The following THRB variants were observed in gnomAD, a reference collection of about 807,000 sequenced individuals.
THRB encodes nuclear receptor subfamily 1 group A member 2.
A neutral mutation model predicts 47.8 loss-of-function variants in THRB; 12 were observed. That is an observed-to-expected ratio of 0.25 (90% CI 0.16 to 0.41). The LOEUF is 0.41. THRB is among the 10% of genes least tolerant of loss of function. The pLI is 1.00. For missense variants in THRB, 348 were observed against 589.2 expected (o/e 0.59, Z 4.24); for synonymous variants, 218 against 212.2 (o/e 1.03, Z -0.24).
At chr3:24,254,292 G>A (rs1006277368) in intron 3 of THRB, among the ~76,000 whole-genome samples, 2 of 149,588 alleles carry the variant, frequency 1.3e-5, no homozygotes, top group Non-Finnish European at 3.0e-5. Context: ...CTACTCAGGA[G>A]GGTGAGGCAG....
In THRB at chr3:24,238,283, G is replaced by T. The variant is rs1397310663; in HGVS notation, c.-42-9282C>A. ...TGTGTATGTGTGTGTGTGTGTGGGGGGGGGGGGGGTGTGTGGGGTGTGTGT... is the reference window on the plus strand; with the variant it reads ...TGTGTATGTGTGTGTGTGTGTGGGGTGGGGGGGGGTGTGTGGGGTGTGTGT... On this transcript the variant is annotated intron_variant, in intron 3 of 10. Transcript: ENST00000646209. 2.2e-3 allele frequency among the ~76,000 whole-genome samples: 271 copies of T among 125,384 alleles called. 3 individuals carry two copies. Among genetic ancestry groups the T allele is most frequent in the South Asian group, 6.4e-3 (22 of 3,442 alleles). 82.3% of individuals were successfully genotyped at this position (125,384 alleles called of 152,430 possible).
At chr3:24,425,214 A>C (rs1242557025) in intron 1 of THRB, among the ~76,000 whole-genome samples, 1 of 151,918 alleles carries the variant, frequency 6.6e-6, no homozygotes, top group Non-Finnish European at 1.5e-5. Context: ...GTCCTTAAAA[A>C]AAACTGCACC....
intron 1 of THRB, among the ~76,000 whole-genome samples, chr3:24,474,239 T>G (rs1004845958): frequency 6.6e-6 from 1 of 152,198 alleles, no homozygotes; most frequent in Non-Finnish European, 1.5e-5. Context: ...AAAAATAACA[T>G]TAACATATCT....
At chr3:24,215,361 A>G (rs2046449284) in intron 4 of THRB, among the ~76,000 whole-genome samples, 1 of 152,214 alleles carries the variant, frequency 6.6e-6, no homozygotes, top group Non-Finnish European at 1.5e-5. Context: ...GCTCCAAGTC[A>G]CAAGGTTACT....
chr3:24,299,766 C>CTTTTTTTTTTTTTTTTTTTTTT lies in THRB; in HGVS notation c.-188-2396_-188-2395insAAAAAAAAAAAAAAAAAAAAAA, dbSNP rs1360367092. ...GCCTTGAGGCTTCTGGGGAAGTATG[C>CTTTTTTTTTTTTTTTTTTTTTT]TTTTTTATTTATTTATTTATTTATT... On this transcript the variant is annotated intron_variant, in intron 2 of 10. Coordinates refer to ENST00000646209, the MANE Select transcript of THRB (RefSeq NM_001354712.2). 1.4e-4 allele frequency among the ~76,000 whole-genome samples: 8 copies of CTTTTTTTTTTTTTTTTTTTTTT among 58,564 alleles called. 3 individuals are homozygous for CTTTTTTTTTTTTTTTTTTTTTT. The highest frequency in any genetic ancestry group is 4.9e-4 in the African/African-American group (6 of 12,366). 38.4% of individuals were successfully genotyped at this position (58,564 alleles called of 152,430 possible).
At chr3:24,331,233 A>C (rs1443767713) in intron 2 of THRB, among the ~76,000 whole-genome samples, 2 of 152,136 alleles carry the variant, frequency 1.3e-5, no homozygotes. Context: ...ATGATTACCA[A>C]ACTCATAAGT....
At chr3:24,472,245 T>C (rs1577834930) in intron 1 of THRB, among the ~76,000 whole-genome samples, 1 of 152,200 alleles carries the variant, frequency 6.6e-6, no homozygotes, top group South Asian at 2.1e-4. Flanking sequence ...TGTCTATACA[T>C]GCCAGGACAA....
At chr3:24,126,447 T>C (rs1001726733) in intron 10 of THRB, among the ~76,000 whole-genome samples, 5 of 152,210 alleles carry the variant, frequency 3.3e-5, no homozygotes, top group South Asian at 2.1e-4. Flanking sequence ...GAATTCTCGA[T>C]GTACTTGTGA....
chr3:24,299,329 A>G (rs932510934), intron 2 of THRB, among the ~76,000 whole-genome samples: 1 of 151,968 alleles, frequency 6.6e-6, no homozygotes, highest in African/African-American at 2.4e-5. Flanking sequence ...GAAACTAAGA[A>G]TCATGCATTA....
At chr3:24,203,730 AG>A (rs2044891672) in intron 4 of THRB, among the ~76,000 whole-genome samples, 1 of 152,192 alleles carries the variant, frequency 6.6e-6, no homozygotes, top group East Asian at 1.9e-4. Flanking sequence ...CGGGAAGCAC[AG>A]GGGGTCAGGG....
intron 5 of THRB, among the ~76,000 whole-genome samples, chr3:24,152,752 G>C (rs183968427): frequency 1.3e-5 from 2 of 151,970 alleles, no homozygotes; most frequent in Non-Finnish European, 2.9e-5. Context: ...CCTGGGGTCA[G>C]GAGTTCAAGA....
intron 2 of THRB, among the ~76,000 whole-genome samples, chr3:24,307,285 G>T (rs1330714657): frequency 2.6e-5 from 4 of 151,644 alleles, no homozygotes; most frequent in Non-Finnish European, 4.4e-5. Flanking sequence ...AGGAACACAT[G>T]CTCTTTGGAG....
intron 2 of THRB, among the ~76,000 whole-genome samples, chr3:24,305,799 G>T (rs912240038): frequency 6.6e-6 from 1 of 152,122 alleles, no homozygotes; most frequent in African/African-American, 2.4e-5. Context: ...GAAAGGTTCA[G>T]AAAATTTCAG....
intron 5 of THRB, among the ~76,000 whole-genome samples, chr3:24,177,965 G>A (rs925680371): frequency 4.1e-4 from 62 of 152,038 alleles, no homozygotes; most frequent in Non-Finnish European, 5.6e-4. Flanking sequence ...TCTTCAGACC[G>A]TGGACAATGT....
rs563841342 is a variant in THRB, at chr3:24,193,927, T to C, written c.23-3593A>G. Among the ~76,000 whole-genome samples, 199 of 152,356 alleles carry C rather than the reference T, an allele frequency of 1.3e-3. 5 individuals are homozygous for C. The South Asian group carries it at 0.04, about 31-fold the overall frequency. On this transcript the variant is annotated intron_variant, in intron 4 of 10. Coordinates refer to ENST00000646209, the MANE Select transcript of THRB (RefSeq NM_001354712.2). ...AAATGTGATATATATGTATACACCA[T>C]GGAATACTACTCAGACATAAAAAAG...
chr3:24,343,127 G>T (rs2062789280), intron 1 of THRB, among the ~76,000 whole-genome samples: 1 of 152,218 alleles, frequency 6.6e-6, no homozygotes, highest in East Asian at 1.9e-4. Flanking sequence ...ATCAATTAGA[G>T]AATGGCAAAC....
At position 24,133,224 on chromosome 3, in the gene THRB, AT is replaced by A. The variant is rs1281576960; in HGVS notation, c.885+91del. 5 of 1,440,966 alleles carry A rather than the reference AT, an allele frequency of 3.5e-6. No individual in the cohort carries two copies. In the African/African-American group the frequency reaches 7.1e-5, roughly 20 times the overall value. 89.3% of individuals were successfully genotyped at this position (1,440,966 alleles called of 1,614,324 possible). A position where few individuals can be genotyped will look rare whatever the true frequency, so the allele number is the denominator to read the frequency against. ...CTTTCATATGATTAAGTCCCTACTA[AT>A]TAACATTAAATTGTAAATAATACCC... On this transcript the variant is annotated intron_variant, in intron 9 of 10. Coordinates refer to ENST00000646209, the MANE Select transcript of THRB (RefSeq NM_001354712.2).
intron 1 of THRB, among the ~76,000 whole-genome samples, chr3:24,447,912 G>A (rs140575403): frequency 3.8e-4 from 58 of 152,090 alleles, no homozygotes; most frequent in African/African-American, 1.4e-3. Flanking sequence ...GATTGCTACA[G>A]GTTTCAAGGA....
rs1395010374 is a variant in THRB, at chr3:24,176,685, A to C, written c.283+13389T>G. 2.6e-5 allele frequency among the ~76,000 whole-genome samples: 4 copies of C among 152,226 alleles called. No homozygotes were observed. The South Asian group carries it at 6.2e-4, about 24-fold the overall frequency. On this transcript the variant is annotated intron_variant, in intron 5 of 10. Coordinates refer to ENST00000646209, the MANE Select transcript of THRB (RefSeq NM_001354712.2). The stretch of plus-strand genomic sequence containing the variant: ...TCAAAAACAGTATACTAAGAGAAAG[A>C]TGCCAGTCATACAAGACCACGTATT...
Sources: gnomAD v4.1 joint callset for allele counts (sites outside exome capture counted in the v4.1 genomes callset) on GRCh38, gnomAD v4.1.1 for gene constraint, MANE v1.5 for transcripts, NCBI Gene and HGNC (gene_info 2026-07-23, HGNC 2026-07-21) for gene names.